Variants in BRINP1 observed in about 807,000 individuals in gnomAD.
BRINP1 encodes the protein BMP/retinoic acid-inducible neural-specific protein 1.
BRINP1 carries 17 observed loss-of-function variants against 72.9 expected under a neutral mutation model. The observed-to-expected ratio is 0.23, with a 90% CI of 0.16 to 0.35. The LOEUF is 0.35. Among genes scored for constraint, BRINP1 ranks in the 10% least tolerant of loss-of-function variants. The probability of loss-of-function intolerance (pLI) is 1.00; values close to 1 mark genes in which losing one functional copy is unlikely to be tolerated. For synonymous variants in BRINP1, 418 were observed against 378.5 expected (o/e 1.10, Z -1.21); for missense variants, 850 against 1,001.6 (o/e 0.85, Z 2.04).
At chr9:119,346,281 AT>A (rs1325253876) in intron 1 of BRINP1, among the ~76,000 whole-genome samples, 6 of 152,220 alleles carry the variant, frequency 3.9e-5, no homozygotes, top group Admixed American at 6.5e-5. Context: ...AATGTGAAAT[AT>A]GAAACAGACT....
At position 119,169,765 on chromosome 9, in the gene BRINP1, A is replaced by G. The variant is rs1287585114; in HGVS notation, c.1146-1541T>C. Among the ~76,000 whole-genome samples, 6 of 152,362 alleles carry G rather than the reference A, an allele frequency of 3.9e-5. No individual in the cohort carries two copies. The East Asian group carries it at 1.2e-3, about 30-fold the overall frequency. ...CTTTGAAGAGAGCAGTGGTTCTCCC[A>G]GCATGCAGCTGGAGATCTGAGAACG... On this transcript the variant is annotated intron_variant, in intron 7 of 7. Coordinates refer to ENST00000265922, the MANE Select transcript of BRINP1 (RefSeq NM_014618.3).
intron 2 of BRINP1, chr9:119,282,765 A>C (rs1221563671): frequency 1.4e-5 from 14 of 980,962 alleles, no homozygotes; most frequent in Non-Finnish European, 1.7e-5. Context: ...AAAAACCCCA[A>C]ATTTAATTTT....
chr9:119,211,149 A>C (rs10760027), intron 6 of BRINP1, among the ~76,000 whole-genome samples: 39,682 of 151,854 alleles, frequency 0.26, 6,429 homozygotes, highest in East Asian at 0.55. Flanking sequence ...AGAATTTAAG[A>C]GTTAAATACA....
intron 2 of BRINP1, among the ~76,000 whole-genome samples, chr9:119,255,857 A>G (rs1830440860): frequency 6.8e-6 from 1 of 146,842 alleles, no homozygotes; most frequent in South Asian, 2.2e-4. Flanking sequence ...CAGGAGACTG[A>G]GGCAGGAGAA....
intron 2 of BRINP1, among the ~76,000 whole-genome samples, chr9:119,269,668 C>T (rs1830587992): frequency 1.3e-5 from 2 of 152,110 alleles, no homozygotes; most frequent in Admixed American, 6.5e-5. Flanking sequence ...ACTGAACCTC[C>T]ACAGGTGACA....
chr9:119,283,615 G>A (rs945110262), intron 2 of BRINP1, among the ~76,000 whole-genome samples: 2 of 152,224 alleles, frequency 1.3e-5, no homozygotes, highest in African/African-American at 2.4e-5. Flanking sequence ...TGCAACCTCC[G>A]CCTCCCGGGT....
At chr9:119,356,975 C>T (rs1831573874) in intron 1 of BRINP1, among the ~76,000 whole-genome samples, 3 of 152,142 alleles carry the variant, frequency 2.0e-5, no homozygotes, top group Admixed American at 1.3e-4. Context: ...ATGATAGCAT[C>T]GCATTGCTAT....
intron 1 of BRINP1, among the ~76,000 whole-genome samples, chr9:119,356,490 A>T (rs188769973): frequency 2.6e-5 from 4 of 152,306 alleles, no homozygotes; most frequent in Admixed American, 6.5e-5. Flanking sequence ...CATCTGGCAA[A>T]GGATGAGTGC....
intron 7 of BRINP1, among the ~76,000 whole-genome samples, chr9:119,181,265 A>G (rs1829553835): frequency 1.3e-5 from 2 of 152,138 alleles, no homozygotes; most frequent in African/African-American, 4.8e-5. Context: ...ATAAGAGGGG[A>G]CTACCCAGGG....
chr9:119,251,502 G>A (rs1830387324), intron 2 of BRINP1, among the ~76,000 whole-genome samples: 2 of 152,158 alleles, frequency 1.3e-5, no homozygotes, highest in Non-Finnish European at 2.9e-5. Context: ...CAGCCACTCA[G>A]GTGGCCAAGG....
At chr9:119,304,015 G>A (rs1006492070) in intron 2 of BRINP1, among the ~76,000 whole-genome samples, 3 of 151,494 alleles carry the variant, frequency 2.0e-5, no homozygotes, top group African/African-American at 7.3e-5. Flanking sequence ...AAGTAGCTGG[G>A]ATTACAGGCG....
chr9:119,318,334 AAG>A (rs1831147310), intron 1 of BRINP1, among the ~76,000 whole-genome samples: 1 of 152,210 alleles, frequency 6.6e-6, no homozygotes, highest in South Asian at 2.1e-4. Context: ...AAAGCTGAGA[AAG>A]AGAAAAAAAT....
intron 1 of BRINP1, among the ~76,000 whole-genome samples, chr9:119,314,151 A>C (rs1350489889): frequency 1.3e-5 from 2 of 152,170 alleles, no homozygotes; most frequent in Non-Finnish European, 2.9e-5. Context: ...TCAGCCTCAA[A>C]GGTTGCCCAG....
intron 7 of BRINP1, among the ~76,000 whole-genome samples, chr9:119,191,825 C>T (rs1829686721): frequency 6.6e-6 from 1 of 151,890 alleles, no homozygotes; most frequent in Admixed American, 6.6e-5. Flanking sequence ...AGTAAGGAGG[C>T]ATCGTGCTTC....
intron 7 of BRINP1, among the ~76,000 whole-genome samples, chr9:119,200,126 T>A (rs373290696): frequency 1.6e-4 from 24 of 152,320 alleles, no homozygotes; most frequent in African/African-American, 5.8e-4. Context: ...TGCAGAAGAT[T>A]ATATCAACAT....
chr9:119,285,630 T>C (rs941696182), intron 2 of BRINP1, among the ~76,000 whole-genome samples: 2 of 152,194 alleles, frequency 1.3e-5, no homozygotes, highest in African/African-American at 4.8e-5. Flanking sequence ...TAGGGATTAA[T>C]AGCATAGAGG....
intron 2 of BRINP1, among the ~76,000 whole-genome samples, chr9:119,278,683 A>T (rs1316060267): frequency 2.6e-5 from 4 of 152,146 alleles, no homozygotes; most frequent in African/African-American, 9.7e-5. Flanking sequence ...AGGTCAAGAG[A>T]TCGAGACCAT....
At chr9:119,175,833 A>C (rs1207033690) in intron 7 of BRINP1, among the ~76,000 whole-genome samples, 2 of 152,094 alleles carry the variant, frequency 1.3e-5, no homozygotes, top group Non-Finnish European at 2.9e-5. Context: ...TGTGTCTAGC[A>C]CTTTTTACCC....
intron 2 of BRINP1, among the ~76,000 whole-genome samples, chr9:119,252,389 A>G (rs1157522565): frequency 2.0e-5 from 3 of 152,214 alleles, no homozygotes; most frequent in African/African-American, 7.2e-5. Context: ...TGATCAATAC[A>G]CAGCAATGAG....
Sources: gnomAD v4.1 joint callset for allele counts (sites outside exome capture counted in the v4.1 genomes callset) on GRCh38, gnomAD v4.1.1 for gene constraint, MANE v1.5 for transcripts, NCBI Gene and HGNC (gene_info 2026-07-23, HGNC 2026-07-21) for gene names.